Variants in ENTPD5 observed in about 807,000 individuals in gnomAD.
ENTPD5 encodes ectonucleoside triphosphate diphosphohydrolase 5 (inactive), also known as nucleoside diphosphate phosphatase ENTPD5.
A neutral mutation model predicts 60.2 loss-of-function variants in ENTPD5; 49 were observed. The observed-to-expected ratio is 0.81, with a 90% CI of 0.65 to 1.03. ENTPD5 has a LOEUF of 1.03. Among genes scored for constraint, ENTPD5 ranks in the 50% least tolerant of loss-of-function variants. The pLI is 0.00. For missense variants in ENTPD5, 480 were observed against 507.6 expected (o/e 0.95, Z 0.52); for synonymous variants, 187 against 185.4 (o/e 1.01, Z -0.07).
chr14:73,958,218 T>A (rs1468285846), downstream of ENTPD5: 5 of 1,614,002 alleles, frequency 3.1e-6, no homozygotes, highest in East Asian at 6.7e-5. Context: ...TATGGCCGAC[T>A]CCAGCCCTTG....
rs764255836 is a variant in ENTPD5, at chr14:73,963,447, A to C, written c.*3481T>G. Reference sequence around the variant, plus strand: ...GTTAACATCAGAATGCAAATTAAATATAAATTGCTTTAACCTTTGTTACAG... The same window carrying C: ...GTTAACATCAGAATGCAAATTAAATCTAAATTGCTTTAACCTTTGTTACAG... On this transcript the variant is annotated 3_prime_UTR_variant, in exon 16 of 16. Transcript: ENST00000334696. The C allele has an allele frequency of 4.5e-6, 1 of 220,094 alleles. No individual in the cohort carries two copies. Among genetic ancestry groups the C allele is most frequent in the East Asian group, 1.1e-4 (1 of 8,738 alleles). 13.6% of individuals were successfully genotyped at this position (220,094 alleles called of 1,614,324 possible).
At chr14:73,957,132 C>CT (rs2056476031), downstream of ENTPD5, among the ~76,000 whole-genome samples, 2 of 150,578 alleles carry the variant, frequency 1.3e-5, no homozygotes, top group African/African-American at 4.9e-5. Context: ...GAGTCTCGCT[C>CT]TGTCGCCCAG....
chr14:73,976,446 A>C (rs758663962), intron 8 of ENTPD5, 34 bp from the exon 9 acceptor site: 1 of 1,563,426 alleles, frequency 6.4e-7, no homozygotes, highest in South Asian at 1.1e-5. Context: ...AATAGCCTCG[A>C]CATCCTGGGC....
chr14:73,972,606 T>C (rs1450801729), intron 13 of ENTPD5, among the ~76,000 whole-genome samples: 2 of 152,142 alleles, frequency 1.3e-5, no homozygotes, highest in East Asian at 3.8e-4. Flanking sequence ...CATGGGTGTA[T>C]ACATGACAAA....
At chr14:73,986,707 A>C (rs1263457263) in intron 5 of ENTPD5, 107 bp downstream of exon 5, 15 of 796,150 alleles carry the variant, frequency 1.9e-5, no homozygotes, top group Non-Finnish European at 3.2e-5. Context: ...CTGATCTCAC[A>C]CATGATCTCA....
intron 3 of ENTPD5, among the ~76,000 whole-genome samples, chr14:73,997,466 G>A (rs2058373496): frequency 6.6e-6 from 1 of 152,142 alleles, no homozygotes; most frequent in Admixed American, 6.5e-5. Context: ...AGCTCCCACT[G>A]ACAATTCATC....
intron 13 of ENTPD5, 121 bp downstream of exon 13, chr14:73,972,763 T>C: frequency 8.6e-7 from 1 of 1,156,982 alleles, no homozygotes; most frequent in Non-Finnish European, 1.2e-6. Context: ...TTTGTTCGAG[T>C]GACTAGAAAA....
At chr14:73,983,932 C>T (rs539008038) in intron 5 of ENTPD5, among the ~76,000 whole-genome samples, 1 of 152,218 alleles carries the variant, frequency 6.6e-6, no homozygotes, top group Non-Finnish European at 1.5e-5. Context: ...CTCAAGTGAT[C>T]CACCCACCTC....
In ENTPD5 at chr14:73,975,003, G is replaced by A. The variant is rs753292776; in HGVS notation, c.723-18C>T. 3.8e-6 allele frequency: 6 copies of A among 1,596,734 alleles called. No homozygotes were observed. The South Asian group carries it at 5.5e-5, about 15-fold the overall frequency. ...CCAGGTAACTGTAAAATACAGGATT[G>A]ACTAATTTCATGCTGGTCCTGAAGT... On this transcript the variant is annotated intron_variant, in intron 10 of 15. Transcript: ENST00000334696.
intron 3 of ENTPD5, among the ~76,000 whole-genome samples, chr14:74,009,831 A>G (rs113890313): frequency 0.027 from 4,026 of 151,772 alleles, 157 homozygotes; most frequent in African/African-American, 0.091. Context: ...TCTGTCGCTC[A>G]GGCTGGATGG....
At chr14:73,996,067 A>G (rs2058332676) in intron 3 of ENTPD5, 1 of 863,688 alleles carries the variant, frequency 1.2e-6, no homozygotes. Context: ...AGCCTGAGAG[A>G]CCACAATCCC....
intron 3 of ENTPD5, among the ~76,000 whole-genome samples, chr14:73,989,447 C>A (rs2058042524): frequency 6.7e-6 from 1 of 149,464 alleles, no homozygotes; most frequent in South Asian, 2.2e-4. Flanking sequence ...CCTGTAATCC[C>A]AGTACTTTGG....
chr14:73,962,927 CT>C (rs770490402), downstream of ENTPD5: 2 of 1,491,784 alleles, frequency 1.3e-6, no homozygotes, highest in East Asian at 2.3e-5. Flanking sequence ...TTTTCTTCAC[CT>C]TACTGTGTTA....
intron 3 of ENTPD5, among the ~76,000 whole-genome samples, chr14:73,992,588 G>A (rs1011262342): frequency 2.6e-5 from 4 of 151,694 alleles, no homozygotes; most frequent in Non-Finnish European, 5.9e-5. Flanking sequence ...GGAGGCTGAG[G>A]CAGGAGAATT....
intron 3 of ENTPD5, among the ~76,000 whole-genome samples, chr14:73,997,507 G>A (rs1369095078): frequency 6.6e-6 from 1 of 152,128 alleles, no homozygotes; most frequent in African/African-American, 2.4e-5. Context: ...GCCTTAACAA[G>A]TTAAAAATTA....
At chr14:73,990,490 A>C (rs2058087119) in intron 3 of ENTPD5, among the ~76,000 whole-genome samples, 1 of 151,438 alleles carries the variant, frequency 6.6e-6, no homozygotes, top group South Asian at 2.1e-4. Flanking sequence ...GTGTGCCTCC[A>C]TACCTGGCTA....
intron 3 of ENTPD5, among the ~76,000 whole-genome samples, chr14:73,991,960 T>C (rs62005067): frequency 0.16 from 24,038 of 151,092 alleles, 2,353 homozygotes; most frequent in East Asian, 0.35. Flanking sequence ...GATTGCACCA[T>C]TGCACTCCAG....
At chr14:73,961,519 T>G, downstream of ENTPD5, 5 of 1,614,130 alleles carry the variant, frequency 3.1e-6, no homozygotes, top group Non-Finnish European at 4.2e-6. Flanking sequence ...TGGGGATATC[T>G]CCAGCTTGGC....
chr14:73,975,950 C>G lies in ENTPD5; in HGVS notation c.708G>C (p.Lys236Asn). 6.2e-7 allele frequency: 1 copy of G among 1,612,350 alleles called. No individual in the cohort carries two copies. The highest frequency in any genetic ancestry group is 8.5e-7 in the Non-Finnish European group (1 of 1,178,734). ...TSFEMFNSTY[K>N]LYTHSYLGFG... ...CCCGTCCTCACCTATGTGTATAGAG[C>G]TTATAAGTGCTGTTAAACATCTCAA... The change falls in exon 10 of 16, where the codon AAG (lysine) becomes AAC (asparagine). Residue 236 changes from lysine (K) to asparagine (N), a missense_variant. Lys to Asn is a moderately conservative substitution (Grantham distance 94). Coordinates refer to ENST00000334696, the MANE Select transcript of ENTPD5 (RefSeq NM_001249.5).
Sources: gnomAD v4.1 joint callset for allele counts (sites outside exome capture counted in the v4.1 genomes callset) on GRCh38, gnomAD v4.1.1 for gene constraint, MANE v1.5 for transcripts, NCBI Gene and HGNC (gene_info 2026-07-23, HGNC 2026-07-21) for gene names.